THSD7B: variants seen among roughly 807,000 people sequenced by gnomAD.
THSD7B encodes the protein thrombospondin type-1 domain-containing protein 7B.
In THSD7B, 138 loss-of-function variants were observed where a neutral mutation model predicts 213.6. The ratio of observed to expected loss-of-function variants is 0.65; its 90% CI spans 0.56 to 0.74. The LOEUF (loss-of-function observed/expected upper bound fraction) is 0.74, where lower values mean the gene tolerates loss of function less well. Ranked by LOEUF, THSD7B falls within the 30% of genes least tolerant of loss-of-function variation. THSD7B has a pLI of 0.00. For synonymous variants in THSD7B, 742 were observed against 687.0 expected, an observed-to-expected ratio of 1.08 and a Z score of -1.25; for missense variants, 1,931 against 1,991.5, an observed-to-expected ratio of 0.97 and a Z score of 0.58.
intron 15 of THSD7B, among the ~76,000 whole-genome samples, chr2:137,453,001 C>CA (rs1428742094): frequency 6.6e-6 from 1 of 152,102 alleles, no homozygotes; most frequent in Non-Finnish European, 1.5e-5. Context: ...AAGGGAGTAG[C>CA]AGCCTTCCAA....
chr2:137,608,398 C>T (rs1444838859), intron 17 of THSD7B, among the ~76,000 whole-genome samples: 2 of 151,580 alleles, frequency 1.3e-5, no homozygotes, highest in East Asian at 3.9e-4. Flanking sequence ...TTCAACTCAA[C>T]ATACTCCACA....
chr2:137,081,661 A>G (rs778248886), intron 3 of THSD7B, among the ~76,000 whole-genome samples: 1 of 151,992 alleles, frequency 6.6e-6, no homozygotes, highest in Non-Finnish European at 1.5e-5. Context: ...GTGATATTTT[A>G]TGTTACAGGG....
intron 3 of THSD7B, among the ~76,000 whole-genome samples, chr2:137,084,282 T>C (rs1189617859): frequency 1.3e-5 from 2 of 152,056 alleles, no homozygotes; most frequent in Non-Finnish European, 2.9e-5. Context: ...AGGCATAAAC[T>C]CTCAAGAAAA....
rs550681256 is a variant in THSD7B at position 136,978,247 on chromosome 2, G to A, written c.140-78173G>A. Among the ~76,000 whole-genome samples, 8 of 152,262 alleles carry A rather than the reference G, an allele frequency of 5.3e-5. No individual in the cohort carries two copies. In the South Asian group the frequency reaches 1.5e-3, roughly 28 times the overall value. ...TTTAGAGTAAGTGCAATGTTGTACC[G>A]AGAAGAATGTATATTCTGTTGTTTT... On this transcript the variant is annotated intron_variant, in intron 2 of 27. Coordinates refer to ENST00000409968, the MANE Select transcript of THSD7B (RefSeq NM_001316349.2).
In THSD7B at chr2:137,211,338, A is replaced by ACACACACACACACACACACACAGAGG. The variant is rs1553479458; in HGVS notation, c.1724-19684_1724-19683insGAGGCACACACACACACACACACACA. ...AACAGACTCTATCCTTCCTACACAC[A>ACACACACACACACACACACACAGAGG]CACACACACACACACACACACACAC... On this transcript the variant is annotated intron_variant, in intron 7 of 27. Transcript: ENST00000409968. Among the ~76,000 whole-genome samples the ACACACACACACACACACACACAGAGG allele has an allele frequency of 2.9e-3, 300 of 103,132 alleles. 1 individual carries two copies. The highest frequency in any genetic ancestry group is 0.022 in the Middle Eastern group (4 of 184). 67.7% of individuals were successfully genotyped at this position (103,132 alleles called of 152,430 possible). A position where few individuals can be genotyped will look rare whatever the true frequency, so the allele number is the denominator to read the frequency against.
rs371825382 is a variant in THSD7B, at chr2:137,046,994, T to C, written c.140-9426T>C. ...TGTTGATGAGCTTTTCACATGAAAA[T>C]GATATACAGATGACATGCTGCACCC... On this transcript the variant is annotated intron_variant, in intron 2 of 27. Transcript: ENST00000409968. Among the ~76,000 whole-genome samples the C allele has an allele frequency of 4.6e-5, 7 of 152,090 alleles. No homozygotes were observed. In the East Asian group the frequency reaches 1.2e-3, roughly 25 times the overall value.
chr2:137,502,884 A>C (rs2105139225), intron 15 of THSD7B, among the ~76,000 whole-genome samples: 1 of 152,302 alleles, frequency 6.6e-6, no homozygotes, highest in East Asian at 1.9e-4. Flanking sequence ...AAAATCATGA[A>C]AAATGTGTAT....
intron 16 of THSD7B, among the ~76,000 whole-genome samples, chr2:137,572,033 TC>T (rs1281978867): frequency 1.3e-5 from 2 of 152,186 alleles, no homozygotes; most frequent in African/African-American, 4.8e-5. Context: ...ATGGATTTAT[TC>T]AGAGAAGGAG....
chr2:136,874,237 G>A (rs74485163), intron 1 of THSD7B, among the ~76,000 whole-genome samples: 2,941 of 152,286 alleles, frequency 0.019, 47 homozygotes, highest in East Asian at 0.071. Flanking sequence ...TCAGGTTGTT[G>A]CTTGATGGAC....
At position 137,454,420 on chromosome 2, in the gene THSD7B, GTCTGTCTA is replaced by G. The variant is rs1469266565; in HGVS notation, c.3138+3401_3138+3408del. On this transcript the variant is annotated intron_variant, in intron 15 of 27. Coordinates refer to ENST00000409968, the MANE Select transcript of THSD7B (RefSeq NM_001316349.2). Reference sequence around the variant, plus strand: ...TGTCTGTCTGTCTGTCTGTCTGTCTGTCTGTCTATCTATCTATCTATCTATCTATCTAT... The same window carrying G: ...TGTCTGTCTGTCTGTCTGTCTGTCTGTCTATCTATCTATCTATCTATCTAT... Among the ~76,000 whole-genome samples, 149 of 129,472 alleles carry G rather than the reference GTCTGTCTA, an allele frequency of 1.2e-3. 1 individual carries two copies. Among genetic ancestry groups the G allele is most frequent in the African/African-American group, 4.0e-3 (135 of 34,040 alleles). 84.9% of individuals were successfully genotyped at this position (129,472 alleles called of 152,430 possible). A position where few individuals can be genotyped will look rare whatever the true frequency, so the allele number is the denominator to read the frequency against.
At chr2:137,033,753 C>T (rs909428737) in intron 2 of THSD7B, among the ~76,000 whole-genome samples, 12 of 152,114 alleles carry the variant, frequency 7.9e-5, no homozygotes, top group Non-Finnish European at 1.8e-4. Flanking sequence ...GCTGGGACTA[C>T]AGGTGCGCAC....
intron 3 of THSD7B, among the ~76,000 whole-genome samples, chr2:137,074,325 T>G (rs1687568369): frequency 1.3e-5 from 2 of 152,194 alleles, no homozygotes; most frequent in Non-Finnish European, 2.9e-5. Context: ...AATTAATCCC[T>G]TTACCATTAT....
chr2:137,623,540 TC>T (rs1343440363), intron 20 of THSD7B, among the ~76,000 whole-genome samples: 1 of 152,176 alleles, frequency 6.6e-6, no homozygotes, highest in Non-Finnish European at 1.5e-5. Context: ...AGTCAAATTG[TC>T]CCTGTTTGCA....
In THSD7B at chr2:137,663,376, G is replaced by A; in HGVS notation, c.4459-7G>A. Reference sequence around the variant, plus strand: ...GTGTAACCATAAAAATATTCTTTATGCTGTAGGGTGGAGTCTGTGGTTGTG... The same window carrying A: ...GTGTAACCATAAAAATATTCTTTATACTGTAGGGTGGAGTCTGTGGTTGTG... On this transcript the variant is annotated splice_polypyrimidine_tract_variant and splice_region_variant and intron_variant, in intron 25 of 27. Transcript: ENST00000409968. 6.5e-7 allele frequency: 1 copy of A among 1,549,942 alleles called. No homozygotes were observed. The highest frequency in any genetic ancestry group is 8.7e-7 in the Non-Finnish European group (1 of 1,148,846).
intron 12 of THSD7B, among the ~76,000 whole-genome samples, chr2:137,336,792 A>G (rs934463146): frequency 2.6e-5 from 4 of 152,052 alleles, no homozygotes; most frequent in Admixed American, 2.0e-4. Context: ...CATACATAAA[A>G]GCTTTCCATT....
intron 2 of THSD7B, among the ~76,000 whole-genome samples, chr2:136,912,104 A>G (rs1301781137): frequency 6.6e-6 from 1 of 151,926 alleles, no homozygotes; most frequent in African/African-American, 2.4e-5. Flanking sequence ...CCTAAGGTCA[A>G]GAGTTCTAGA....
At chr2:136,789,837 A>G (rs763926785) in intron 1 of THSD7B, among the ~76,000 whole-genome samples, 5 of 152,148 alleles carry the variant, frequency 3.3e-5, no homozygotes, top group African/African-American at 4.8e-5. Context: ...TGGATACCAC[A>G]AACTCTTTGT....
chr2:137,384,136 C>T (rs1474190972), intron 12 of THSD7B, among the ~76,000 whole-genome samples: 1 of 152,146 alleles, frequency 6.6e-6, no homozygotes, highest in Admixed American at 6.5e-5. Flanking sequence ...CCTCTGCCTC[C>T]TGCTCCAAGG....
chr2:137,597,577 A>G (rs887573267), intron 17 of THSD7B, among the ~76,000 whole-genome samples: 3 of 152,112 alleles, frequency 2.0e-5, no homozygotes, highest in African/African-American at 7.2e-5. Flanking sequence ...GCATGGTGAC[A>G]AGAAGTGTCC....
Sources: gnomAD v4.1 joint callset for allele counts (sites outside exome capture counted in the v4.1 genomes callset) on GRCh38, gnomAD v4.1.1 for gene constraint, MANE v1.5 for transcripts, NCBI Gene and HGNC (gene_info 2026-07-23, HGNC 2026-07-21) for gene names.